Variants in AAMDC observed in about 807,000 individuals in gnomAD.
AAMDC encodes the protein adipogenesis associated Mth938 domain containing.
AAMDC carries 16 observed loss-of-function variants against 15.5 expected under a neutral mutation model. That is an observed-to-expected ratio of 1.03 (90% confidence interval 0.70 to 1.57). The LOEUF (loss-of-function observed/expected upper bound fraction) is 1.57, where lower values mean the gene tolerates loss of function less well. Among genes scored for constraint, AAMDC ranks in the 40% most tolerant of loss-of-function variants. AAMDC has a pLI of 0.00. For synonymous variants in AAMDC, 51 were observed against 51.6 expected (o/e 0.99, Z 0.05); for missense variants, 141 against 144.9 (o/e 0.97, Z 0.14).
intron 1 of AAMDC, among the ~76,000 whole-genome samples, chr11:77,823,125 G>A (rs1288170363): frequency 7.0e-6 from 1 of 143,694 alleles, no homozygotes; most frequent in Non-Finnish European, 1.5e-5. Flanking sequence ...TGAGGCAGGA[G>A]AATGGCATGG....
chr11:77,872,125 C>G (rs2136321877), intron 3 of AAMDC, 50 bp from the exon 4 acceptor site: 1 of 1,577,768 alleles, frequency 6.3e-7, no homozygotes, highest in South Asian at 1.2e-5. Flanking sequence ...GTAAAGGAAC[C>G]CCTGGGGGGC....
chr11:77,886,464 AT>A (rs1303788822), intron 5 of AAMDC, among the ~76,000 whole-genome samples: 1 of 152,212 alleles, frequency 6.6e-6, no homozygotes, highest in Admixed American at 6.5e-5. Context: ...ATGCCATGTG[AT>A]TTCTGCCCAG....
At chr11:77,897,833 G>A (rs1417785598) in intron 5 of AAMDC, among the ~76,000 whole-genome samples, 1 of 151,798 alleles carries the variant, frequency 6.6e-6, no homozygotes, top group Non-Finnish European at 1.5e-5. Context: ...TTAAGACATA[G>A]GGTCTTGTTC....
chr11:77,883,517 G>C (rs181391453), intron 5 of AAMDC, among the ~76,000 whole-genome samples: 277 of 152,232 alleles, frequency 1.8e-3, no homozygotes, highest in African/African-American at 6.5e-3. Flanking sequence ...CAAGCAAGTC[G>C]GTGGCAGTTA....
Position 77,850,206 on chromosome 11 carries a change from G to A in AAMDC, c.132+7578G>A, listed in dbSNP as rs1164704429. 3.3e-5 allele frequency among the ~76,000 whole-genome samples: 5 copies of A among 152,184 alleles called. No individual in the cohort carries two copies. In the South Asian group the frequency reaches 6.2e-4, roughly 19 times the overall value. On this transcript the variant is annotated intron_variant, in intron 2 of 3. Transcript: ENST00000393427. ...CAGAGCAGATTTTGTAGTGATTACA[G>A]AATGGAAACGTAAGAAAATGTAAGG... is the stretch of plus-strand genomic sequence containing the variant.
intron 5 of AAMDC, among the ~76,000 whole-genome samples, chr11:77,886,578 G>A (rs1208694963): frequency 6.6e-6 from 1 of 152,196 alleles, no homozygotes; most frequent in Non-Finnish European, 1.5e-5. Context: ...TCTAATTAGT[G>A]ACGCACATGA....
chr11:77,889,826 C>A lies in AAMDC; in HGVS notation c.329-10745C>A, dbSNP rs577420095. 2.6e-5 allele frequency among the ~76,000 whole-genome samples: 4 copies of A among 152,238 alleles called. No homozygotes were observed. The South Asian group carries it at 8.3e-4, about 32-fold the overall frequency. ...CCTATAAGGTATCTAAAAGGTTTAG[C>A]CTTGCGTGTGGTAGAGGTGCTATGA... On this transcript the variant is annotated intron_variant, in intron 5 of 5. Transcript: ENST00000304716.
At chr11:77,894,998 T>C (rs1952449657) in intron 5 of AAMDC, among the ~76,000 whole-genome samples, 1 of 152,246 alleles carries the variant, frequency 6.6e-6, no homozygotes, top group South Asian at 2.1e-4. Context: ...CCTAAAAAGT[T>C]AACTAAATTC....
Position 77,872,182 on chromosome 11 carries a change from C to A in AAMDC, c.236C>A (p.Ser79Ter). 6.2e-7 allele frequency: 1 copy of A among 1,612,896 alleles called. No homozygotes were observed. Among genetic ancestry groups the A allele is most frequent in the South Asian group, 1.1e-5 (1 of 90,832 alleles). The change falls in exon 4 of 4, where the codon TCA becomes TAA. Residue 79 changes from serine to a stop codon, truncating the protein, a stop_gained. Coordinates refer to ENST00000393427, the MANE Select transcript of AAMDC (RefSeq NM_024684.4). LOFTEE classifies it high-confidence loss of function. ...RGMSEALKVP[S>*]STVEYLKKHG... ...TCTTTTCCACCTTCCCAGGTGCCTT[C>A]ATCAACTGTGGAGTACCTCAAGAAA...
At chr11:77,852,524 C>T (rs1950439918) in intron 2 of AAMDC, among the ~76,000 whole-genome samples, 1 of 152,064 alleles carries the variant, frequency 6.6e-6, no homozygotes, top group Non-Finnish European at 1.5e-5. Flanking sequence ...AGTCACCTCC[C>T]ATCAGGTCCC....
chr11:77,903,719 G>A (rs1404080002), downstream of AAMDC: 8 of 814,222 alleles, frequency 9.8e-6, no homozygotes, highest in South Asian at 1.2e-4. Flanking sequence ...AGTCTCCCAT[G>A]AACATGACTT....
downstream of AAMDC, among the ~76,000 whole-genome samples, chr11:77,876,762 C>T (rs528865127): frequency 2.0e-5 from 3 of 152,248 alleles, no homozygotes; most frequent in African/African-American, 7.2e-5. Context: ...TGGCTTTGTC[C>T]CTTAGGAGAC....
intron 2 of AAMDC, chr11:77,868,989 G>A (rs1485411331): frequency 6.5e-6 from 2 of 307,924 alleles, no homozygotes; most frequent in Admixed American, 3.7e-5. Flanking sequence ...CAGCACGTTG[G>A]GTAATACCGT....
intron 2 of AAMDC, chr11:77,866,280 A>G (rs971433693): frequency 4.6e-5 from 7 of 152,234 alleles, no homozygotes; most frequent in African/African-American, 1.7e-4. Flanking sequence ...CCCCGCAGAA[A>G]AAACAATAAG....
chr11:77,880,593 C>A (rs1416188283), intron 5 of AAMDC, among the ~76,000 whole-genome samples: 1 of 152,160 alleles, frequency 6.6e-6, no homozygotes. Flanking sequence ...GCTTTCCTGC[C>A]ACACTCTCCC....
At chr11:77,844,778 C>T (rs7115444) in intron 2 of AAMDC, among the ~76,000 whole-genome samples, 36,608 of 151,936 alleles carry the variant, frequency 0.24, 4,708 homozygotes, top group East Asian at 0.4. Flanking sequence ...TTTTCTTTGT[C>T]GTTATTATTA....
chr11:77,899,626 G>A (rs1952690218), intron 5 of AAMDC, among the ~76,000 whole-genome samples: 1 of 151,232 alleles, frequency 6.6e-6, no homozygotes, highest in African/African-American at 2.4e-5. Context: ...GCTGAGATCG[G>A]ACCACTGCAC....
At chr11:77,824,296 A>G (rs550473008) in intron 1 of AAMDC, among the ~76,000 whole-genome samples, 27 of 152,368 alleles carry the variant, frequency 1.8e-4, no homozygotes, top group Non-Finnish European at 3.4e-4. Flanking sequence ...AAGAGTAGCT[A>G]TTTTTAAAAC....
intron 2 of AAMDC, among the ~76,000 whole-genome samples, chr11:77,852,743 T>C (rs1950449717): frequency 1.3e-5 from 2 of 152,136 alleles, no homozygotes; most frequent in South Asian, 4.1e-4. Context: ...AATACAAAAA[T>C]ACATATATAA....
Sources: gnomAD v4.1 joint callset for allele counts (sites outside exome capture counted in the v4.1 genomes callset) on GRCh38, gnomAD v4.1.1 for gene constraint, MANE v1.5 for transcripts, NCBI Gene and HGNC (gene_info 2026-07-23, HGNC 2026-07-21) for gene names.